The following RASAL2 variants were observed in gnomAD, a reference collection of about 807,000 sequenced individuals.
RASAL2 encodes the protein ras GTPase-activating protein nGAP.
A neutral mutation model predicts 128.9 loss-of-function variants in RASAL2; 58 were observed. The observed-to-expected ratio is 0.45, with a 90% CI of 0.36 to 0.56. The LOEUF is 0.56. RASAL2 is among the 20% of genes least tolerant of loss of function. RASAL2 has a pLI of 0.00. For missense variants in RASAL2, 1,360 were observed against 1,601.6 expected (o/e 0.85, Z 2.57); for synonymous variants, 561 against 580.8 (o/e 0.97, Z 0.49).
At chr1:178,454,348 A>G (rs1166368737) in intron 11 of RASAL2, 99 bp from the exon 12 acceptor site, 1 of 990,680 alleles carries the variant, frequency 1.0e-6, no homozygotes, top group African/African-American at 1.6e-5. Context: ...CATTCCCTCC[A>G]CAAAATAAAA....
intron 1 of RASAL2, among the ~76,000 whole-genome samples, chr1:178,228,668 C>T (rs1663880061): frequency 6.6e-6 from 1 of 152,144 alleles, no homozygotes; most frequent in Non-Finnish European, 1.5e-5. Flanking sequence ...TTAACCTTAC[C>T]TCTTGGTATA....
intron 5 of RASAL2, among the ~76,000 whole-genome samples, chr1:178,435,288 G>A (rs1351163221): frequency 6.6e-6 from 1 of 152,112 alleles, no homozygotes; most frequent in Non-Finnish European, 1.5e-5. Flanking sequence ...GGAGCTGTGG[G>A]GGAAATGTGG....
chr1:178,278,840 T>TC (rs1666645941), intron 1 of RASAL2, among the ~76,000 whole-genome samples: 1 of 152,150 alleles, frequency 6.6e-6, no homozygotes, highest in Non-Finnish European at 1.5e-5. Context: ...ATACTGAAAT[T>TC]TCCAGCTCTA....
chr1:178,327,861 C>A (rs1669111853), intron 3 of RASAL2, among the ~76,000 whole-genome samples: 1 of 151,886 alleles, frequency 6.6e-6, no homozygotes, highest in Non-Finnish European at 1.5e-5. Context: ...TCATAAGAGA[C>A]AGAAAAAGGG....
chr1:178,310,183 T>C (rs1668174670), intron 3 of RASAL2, among the ~76,000 whole-genome samples: 1 of 152,334 alleles, frequency 6.6e-6, no homozygotes, highest in African/African-American at 2.4e-5. Context: ...ATAGCATTGA[T>C]AGACAGGATA....
chr1:178,162,211 C>T (rs962353296), intron 1 of RASAL2, among the ~76,000 whole-genome samples: 7 of 146,336 alleles, frequency 4.8e-5, no homozygotes, highest in Admixed American at 7.0e-5. Context: ...GTGATCTGCC[C>T]GCGTCGGCCT....
At chr1:178,353,779 C>A (rs1267728647) in intron 3 of RASAL2, among the ~76,000 whole-genome samples, 1 of 152,076 alleles carries the variant, frequency 6.6e-6, no homozygotes, top group African/African-American at 2.4e-5. Context: ...AGTGGCTATC[C>A]CATCATATTA....
At chr1:178,165,485 A>G (rs999738707) in intron 1 of RASAL2, among the ~76,000 whole-genome samples, 3 of 152,182 alleles carry the variant, frequency 2.0e-5, no homozygotes, top group South Asian at 2.1e-4. Context: ...AGCAAATTCT[A>G]TGCCATTTTA....
intron 3 of RASAL2, among the ~76,000 whole-genome samples, chr1:178,368,208 G>A (rs1005121045): frequency 6.6e-6 from 1 of 152,138 alleles, no homozygotes; most frequent in Admixed American, 6.5e-5. Flanking sequence ...AGAAGTTTAC[G>A]TTTCATTTCC....
chr1:178,222,321 G>A (rs950351890), intron 1 of RASAL2, among the ~76,000 whole-genome samples: 1 of 151,424 alleles, frequency 6.6e-6, no homozygotes, highest in Non-Finnish European at 1.5e-5. Context: ...TTCCTTATAT[G>A]TCTTCCACCC....
chr1:178,298,320 A>G (rs1455562008), intron 2 of RASAL2, among the ~76,000 whole-genome samples: 1 of 152,186 alleles, frequency 6.6e-6, no homozygotes, highest in Admixed American at 6.5e-5. Flanking sequence ...TTTTGGCCTC[A>G]GCTTATTTTT....
Position 178,187,123 on chromosome 1 carries a change from C to T in RASAL2, c.202+92429C>T, listed in dbSNP as rs993261224. ...GATTATAGGTGTGATCCACTGCACC[C>T]GGCTTATTTCTTCAACTATATTTGT... On this transcript the variant is annotated intron_variant, in intron 1 of 17. Coordinates refer to ENST00000367649, the MANE Select transcript of RASAL2 (RefSeq NM_170692.4). Among the ~76,000 whole-genome samples the T allele has an allele frequency of 1.8e-4, 28 of 151,964 alleles. 1 individual carries two copies. The highest frequency in any genetic ancestry group is 3.4e-4 in the African/African-American group (14 of 41,372).
intron 1 of RASAL2, among the ~76,000 whole-genome samples, chr1:178,228,828 C>A (rs1663886954): frequency 6.6e-6 from 1 of 152,068 alleles, no homozygotes; most frequent in Non-Finnish European, 1.5e-5. Context: ...TAACTTCTCT[C>A]CCTCATAAAA....
intron 1 of RASAL2, among the ~76,000 whole-genome samples, chr1:178,201,060 A>G (rs1662849509): frequency 6.6e-6 from 1 of 152,196 alleles, no homozygotes; most frequent in Non-Finnish European, 1.5e-5. Context: ...GTGACCCACA[A>G]GGAGGTGTGC....
rs1648456799 is a variant in RASAL2 at position 178,473,420 on chromosome 1, A to G, written c.*181A>G. Reference sequence around the variant, plus strand: ...GCATAAGGCGGCGACTTCCAAGGTCAATGCTTTTCCCCCACATCTCTATGT... The same window carrying G: ...GCATAAGGCGGCGACTTCCAAGGTCGATGCTTTTCCCCCACATCTCTATGT... On this transcript the variant is annotated 3_prime_UTR_variant, in exon 18 of 18. Coordinates refer to ENST00000367649, the MANE Select transcript of RASAL2 (RefSeq NM_170692.4). 8.6e-6 allele frequency: 6 copies of G among 697,256 alleles called. No individual in the cohort carries two copies. The highest frequency in any genetic ancestry group is 4.0e-4 in the Middle Eastern group (1 of 2,504). The allele number at this position is 697,256 out of a possible 1,614,324, so 43.2% of individuals were successfully genotyped here. A position where few individuals can be genotyped will look rare whatever the true frequency, so the allele number is the denominator to read the frequency against.
intron 1 of RASAL2, among the ~76,000 whole-genome samples, chr1:178,178,351 TA>T (rs915791801): frequency 1.9e-4 from 29 of 151,338 alleles, no homozygotes; most frequent in African/African-American, 7.0e-4. Context: ...GGGGCCAAGG[TA>T]AAAAAAAATC....
chr1:178,388,253 A>C (rs1258573897), intron 3 of RASAL2, among the ~76,000 whole-genome samples: 1 of 152,040 alleles, frequency 6.6e-6, no homozygotes, highest in East Asian at 1.9e-4. Context: ...TTGGATAATT[A>C]CTCTGTAAAG....
chr1:178,438,102 TTGTGTGTGTGTGTGTGTGTGTG>T (rs58641965), intron 5 of RASAL2, among the ~76,000 whole-genome samples: 1 of 142,054 alleles, frequency 7.0e-6, no homozygotes, highest in Non-Finnish European at 1.5e-5. Flanking sequence ...AAATGGTGGC[TTGTGTGTGTGTGTGTGTGTGTG>T]TGTGTGTGTG....
intron 1 of RASAL2, among the ~76,000 whole-genome samples, chr1:178,218,306 G>A (rs1663494647): frequency 6.6e-6 from 1 of 152,126 alleles, no homozygotes; most frequent in African/African-American, 2.4e-5. Flanking sequence ...GAGCTCTTGG[G>A]GTAACTAAGT....
Sources: gnomAD v4.1 joint callset for allele counts (sites outside exome capture counted in the v4.1 genomes callset) on GRCh38, gnomAD v4.1.1 for gene constraint, MANE v1.5 for transcripts, NCBI Gene and HGNC (gene_info 2026-07-23, HGNC 2026-07-21) for gene names.